The following GRID2 variants were observed in gnomAD, a reference collection of about 807,000 sequenced individuals.
GRID2 encodes glutamate receptor ionotropic, delta-2.
In GRID2, 33 loss-of-function variants were observed where a neutral mutation model predicts 114.8. The ratio of observed to expected loss-of-function variants is 0.29; its 90% confidence interval spans 0.22 to 0.38. The LOEUF is 0.38. Ranked by LOEUF, GRID2 falls within the 10% of genes least tolerant of loss-of-function variation. GRID2 has a pLI of 1.00. For synonymous variants in GRID2, 505 were observed against 449.9 expected, an observed-to-expected ratio of 1.12 and a Z score of -1.55; for missense variants, 1,184 against 1,257.7, an observed-to-expected ratio of 0.94 and a Z score of 0.89.
intron 1 of GRID2, among the ~76,000 whole-genome samples, chr4:92,485,883 T>C (rs1249510337): frequency 6.6e-6 from 1 of 152,098 alleles, no homozygotes; most frequent in Non-Finnish European, 1.5e-5. Context: ...AATAGCTTTC[T>C]AAAAATTTTC....
intron 1 of GRID2, among the ~76,000 whole-genome samples, chr4:92,416,935 G>T (rs1244359369): frequency 1.3e-5 from 2 of 151,820 alleles, no homozygotes; most frequent in Non-Finnish European, 1.5e-5. Flanking sequence ...CTAGTTTTCT[G>T]AGGAATTATT....
At chr4:92,436,518 T>C (rs1424566092) in intron 1 of GRID2, among the ~76,000 whole-genome samples, 4 of 152,110 alleles carry the variant, frequency 2.6e-5, no homozygotes, top group Non-Finnish European at 5.9e-5. Flanking sequence ...TTTTTTTTGG[T>C]TTGTTTACAT....
chr4:92,643,037 T>C (rs913779518), intron 2 of GRID2, among the ~76,000 whole-genome samples: 1 of 151,818 alleles, frequency 6.6e-6, no homozygotes, highest in Non-Finnish European at 1.5e-5. Context: ...ATGTGATGCA[T>C]CTAGCTTTAT....
intron 2 of GRID2, among the ~76,000 whole-genome samples, chr4:92,870,761 G>A (rs1057042822): frequency 1.3e-5 from 2 of 152,040 alleles, no homozygotes; most frequent in African/African-American, 4.8e-5. Context: ...CTACCAAGGG[G>A]CAGGGGAAAA....
At chr4:93,326,967 A>T (rs1000327898) in intron 8 of GRID2, among the ~76,000 whole-genome samples, 2 of 152,148 alleles carry the variant, frequency 1.3e-5, no homozygotes, top group African/African-American at 4.8e-5. Context: ...ACTATGTCTT[A>T]AGGACATTTT....
chr4:92,542,305 A>T (rs1211044720), intron 1 of GRID2, among the ~76,000 whole-genome samples: 1 of 152,146 alleles, frequency 6.6e-6, no homozygotes, highest in East Asian at 1.9e-4. Flanking sequence ...GGAAAAAGAA[A>T]AAAAAAGATT....
chr4:92,919,014 T>G (rs1264963939), intron 2 of GRID2, among the ~76,000 whole-genome samples: 3 of 152,356 alleles, frequency 2.0e-5, no homozygotes, highest in East Asian at 3.9e-4. Flanking sequence ...TATTAATTAT[T>G]GCCTCAATTT....
chr4:93,598,066 A>G (rs544642838), intron 13 of GRID2, among the ~76,000 whole-genome samples: 2 of 152,278 alleles, frequency 1.3e-5, no homozygotes, highest in South Asian at 2.1e-4. Context: ...ACTATCATAT[A>G]CTCTATACAT....
intron 2 of GRID2, among the ~76,000 whole-genome samples, chr4:92,693,868 A>G (rs1369575541): frequency 6.6e-6 from 1 of 152,236 alleles, no homozygotes; most frequent in Admixed American, 6.5e-5. Context: ...ATAAGAAAAT[A>G]TATGATATTA....
At chr4:92,491,790 A>G (rs1164517675) in intron 1 of GRID2, among the ~76,000 whole-genome samples, 2 of 152,172 alleles carry the variant, frequency 1.3e-5, no homozygotes, top group African/African-American at 4.8e-5. Context: ...TAATTGTTCT[A>G]TGGTTTCTTC....
intron 4 of GRID2, among the ~76,000 whole-genome samples, chr4:93,161,230 AC>A (rs1737659425): frequency 6.6e-6 from 1 of 151,840 alleles, no homozygotes; most frequent in Non-Finnish European, 1.5e-5. Context: ...ATTCTGAGAA[AC>A]TTTTATTTAA....
intron 13 of GRID2, among the ~76,000 whole-genome samples, chr4:93,577,190 A>G (rs1736506711): frequency 6.6e-6 from 1 of 152,160 alleles, no homozygotes; most frequent in Non-Finnish European, 1.5e-5. Context: ...AATATCTTAA[A>G]GCCCAGTGTG....
Position 93,000,848 on chromosome 4 carries a change from A to G in GRID2, c.245-84147A>G, listed in dbSNP as rs553838931. Among the ~76,000 whole-genome samples the G allele has an allele frequency of 1.6e-4, 25 of 151,676 alleles. No homozygotes were observed. The East Asian group carries it at 4.7e-3, about 28-fold the overall frequency. On this transcript the variant is annotated intron_variant, in intron 2 of 15. Coordinates refer to ENST00000282020, the MANE Select transcript of GRID2 (RefSeq NM_001510.4). ...GGAGAAGGGGGTTGAAAAACTATCT[A>G]TTGGATGCTAAGTTCACTATTTGGG...
intron 2 of GRID2, among the ~76,000 whole-genome samples, chr4:92,984,595 T>A (rs1754395699): frequency 6.6e-6 from 1 of 152,210 alleles, no homozygotes; most frequent in South Asian, 2.1e-4. Context: ...GAGGTAGAGA[T>A]GACCATTTTC....
At chr4:92,893,569 T>C (rs912173083) in intron 2 of GRID2, among the ~76,000 whole-genome samples, 3 of 152,176 alleles carry the variant, frequency 2.0e-5, no homozygotes, top group Admixed American at 2.0e-4. Context: ...TTCTATATTA[T>C]AACATAGTAG....
intron 2 of GRID2, among the ~76,000 whole-genome samples, chr4:92,969,855 C>T (rs1753385722): frequency 6.6e-6 from 1 of 151,770 alleles, no homozygotes; most frequent in South Asian, 2.1e-4. Context: ...ACCAAGGTTG[C>T]CTGAGGAAAG....
intron 14 of GRID2, among the ~76,000 whole-genome samples, chr4:93,714,822 G>T (rs1309118437): frequency 6.6e-6 from 1 of 152,090 alleles, no homozygotes; most frequent in African/African-American, 2.4e-5. Flanking sequence ...TGTAGACTCT[G>T]GATATTAGAC....
chr4:92,568,960 C>CT (rs1727480024), intron 1 of GRID2, among the ~76,000 whole-genome samples: 1 of 151,642 alleles, frequency 6.6e-6, no homozygotes, highest in Non-Finnish European at 1.5e-5. Flanking sequence ...CATTTTCTTT[C>CT]TTTTTTTAAA....
intron 8 of GRID2, among the ~76,000 whole-genome samples, chr4:93,290,036 A>G (rs960800412): frequency 1.8e-4 from 27 of 152,210 alleles, no homozygotes; most frequent in Non-Finnish European, 2.9e-4. Context: ...AGACACAATT[A>G]TTCCTGGAAC....
Sources: allele counts gnomAD v4.1 joint callset (sites outside exome capture counted in the v4.1 genomes callset), GRCh38; gene constraint gnomAD v4.1.1; transcripts MANE v1.5; gene names NCBI Gene and HGNC (gene_info 2026-07-23, HGNC 2026-07-21).